CNTNAP2: variants seen among roughly 807,000 people sequenced by gnomAD.
The protein encoded by CNTNAP2 is contactin associated protein 2, also known as contactin-associated protein-like 2.
A neutral mutation model predicts 155.2 loss-of-function variants in CNTNAP2; 98 were observed. The ratio of observed to expected loss-of-function variants is 0.63; its 90% CI spans 0.54 to 0.75. The LOEUF (loss-of-function observed/expected upper bound fraction) is 0.75, where lower values mean the gene tolerates loss of function less well. Ranked by LOEUF, CNTNAP2 falls within the 30% of genes least tolerant of loss-of-function variation. CNTNAP2 has a pLI of 0.00. For missense variants in CNTNAP2, 1,727 were observed against 1,688.1 expected (o/e 1.02, Z -0.40); for synonymous variants, 651 against 631.2 (o/e 1.03, Z -0.47).
intron 1 of CNTNAP2, among the ~76,000 whole-genome samples, chr7:146,636,281 G>GT (rs1168447940): frequency 6.6e-6 from 1 of 152,022 alleles, no homozygotes; most frequent in Non-Finnish European, 1.5e-5. Context: ...TTATGGAACT[G>GT]TATGCTAATC....
intron 4 of CNTNAP2, among the ~76,000 whole-genome samples, chr7:147,078,227 C>G (rs1465324573): frequency 6.6e-5 from 10 of 152,160 alleles, no homozygotes; most frequent in Non-Finnish European, 1.3e-4. Context: ...CCTGACAATG[C>G]CAACTTTATC....
At chr7:147,844,865 G>A (rs1218700598) in intron 13 of CNTNAP2, among the ~76,000 whole-genome samples, 286 of 103,076 alleles carry the variant, frequency 2.8e-3, no homozygotes, top group African/African-American at 4.4e-3. Flanking sequence ...TGTGGTTTTT[G>A]TCTTTGGCTC....
intron 9 of CNTNAP2, among the ~76,000 whole-genome samples, chr7:147,320,046 A>G (rs896095829): frequency 6.6e-6 from 1 of 152,240 alleles, no homozygotes; most frequent in Admixed American, 6.5e-5. Context: ...AACATTTACA[A>G]AAACAAGTGG....
At chr7:147,345,406 G>A (rs1223083816) in intron 9 of CNTNAP2, among the ~76,000 whole-genome samples, 1 of 152,066 alleles carries the variant, frequency 6.6e-6, no homozygotes, top group Non-Finnish European at 1.5e-5. Flanking sequence ...TCACACATAG[G>A]TAATTATAAA....
At chr7:146,310,996 G>A (rs550682907) in intron 1 of CNTNAP2, among the ~76,000 whole-genome samples, 5 of 152,198 alleles carry the variant, frequency 3.3e-5, no homozygotes, top group African/African-American at 1.2e-4. Flanking sequence ...GTGTATCTAT[G>A]TTTTAGTTCT....
At chr7:147,038,168 A>G (rs1799193822) in intron 3 of CNTNAP2, among the ~76,000 whole-genome samples, 1 of 152,152 alleles carries the variant, frequency 6.6e-6, no homozygotes, top group Non-Finnish European at 1.5e-5. Flanking sequence ...AAAATAAAAT[A>G]TAACAATAAA....
At chr7:148,155,464 C>T (rs560795680) in intron 17 of CNTNAP2, among the ~76,000 whole-genome samples, 1 of 152,108 alleles carries the variant, frequency 6.6e-6, no homozygotes, top group South Asian at 2.1e-4. Flanking sequence ...TTTTTACAAG[C>T]TGGGATAGGA....
intron 12 of CNTNAP2, among the ~76,000 whole-genome samples, chr7:147,603,152 T>G (rs549925904): frequency 6.6e-6 from 1 of 151,638 alleles, no homozygotes; most frequent in South Asian, 2.1e-4. Context: ...CACCTGTTGT[T>G]TCCTGACTTT....
chr7:146,352,048 C>T (rs998746612), intron 1 of CNTNAP2, among the ~76,000 whole-genome samples: 1 of 152,164 alleles, frequency 6.6e-6, no homozygotes, highest in African/African-American at 2.4e-5. Flanking sequence ...TTTTCAAGGT[C>T]ATGACACTAC....
chr7:146,343,076 G>A (rs1479474335), intron 1 of CNTNAP2, among the ~76,000 whole-genome samples: 2 of 151,764 alleles, frequency 1.3e-5, no homozygotes, highest in African/African-American at 4.8e-5. Flanking sequence ...TGGTAAAGAA[G>A]GTTGTTTTTT....
intron 15 of CNTNAP2, among the ~76,000 whole-genome samples, chr7:148,024,704 A>G (rs562234163): frequency 1.4e-4 from 21 of 152,376 alleles, no homozygotes; most frequent in Non-Finnish European, 2.8e-4. Flanking sequence ...ATAGCATGTT[A>G]CAAGTTTTTA....
intron 13 of CNTNAP2, among the ~76,000 whole-genome samples, chr7:147,765,681 T>C (rs552291481): frequency 7.2e-5 from 11 of 152,016 alleles, no homozygotes; most frequent in African/African-American, 2.7e-4. Context: ...GCGTATAAAG[T>C]AAAAAAAACA....
intron 15 of CNTNAP2, among the ~76,000 whole-genome samples, chr7:147,995,584 G>A (rs1422040378): frequency 5.3e-5 from 8 of 150,246 alleles, no homozygotes; most frequent in Non-Finnish European, 7.4e-5. Context: ...CTGCAGTGCA[G>A]TGGTGCAACC....
chr7:146,205,081 G>A (rs953347025), intron 1 of CNTNAP2, among the ~76,000 whole-genome samples: 5 of 152,108 alleles, frequency 3.3e-5, no homozygotes, highest in Non-Finnish European at 7.4e-5. Context: ...GTAAGCAAGT[G>A]TTTTAATTAT....
intron 13 of CNTNAP2, among the ~76,000 whole-genome samples, chr7:147,724,862 A>C (rs757914132): frequency 2.6e-5 from 4 of 151,920 alleles, no homozygotes; most frequent in Non-Finnish European, 4.4e-5. Flanking sequence ...GAGTTGTTGA[A>C]AAGGTTAAAT....
At position 147,341,769 on chromosome 7, in the gene CNTNAP2, TACACAC is replaced by T. The variant is rs35486619; in HGVS notation, c.1498+41507_1498+41512del. Among the ~76,000 whole-genome samples the T allele has an allele frequency of 5.7e-3, 844 of 147,368 alleles. 6 individuals carry two copies. Among genetic ancestry groups the T allele is most frequent in the African/African-American group, 0.013 (523 of 39,856 alleles). On this transcript the variant is annotated intron_variant, in intron 9 of 23. Transcript: ENST00000361727. ...AGGCTATCACACACACACATACACA[TACACAC>T]ACACACACACACACACACACACACA...
At chr7:147,817,361 G>A (rs953569274) in intron 13 of CNTNAP2, among the ~76,000 whole-genome samples, 2 of 152,184 alleles carry the variant, frequency 1.3e-5, no homozygotes, top group Non-Finnish European at 2.9e-5. Context: ...ATATGTAGGT[G>A]AGATAATATC....
intron 10 of CNTNAP2, among the ~76,000 whole-genome samples, chr7:147,430,216 A>G (rs139076644): frequency 1.2e-4 from 18 of 152,344 alleles, no homozygotes; most frequent in African/African-American, 4.1e-4. Flanking sequence ...TTTTCTAAGT[A>G]AACATTTTGA....
intron 4 of CNTNAP2, among the ~76,000 whole-genome samples, chr7:147,092,667 A>G (rs1329570894): frequency 6.6e-6 from 1 of 152,216 alleles, no homozygotes; most frequent in Non-Finnish European, 1.5e-5. Flanking sequence ...TAGCTTTAAA[A>G]AATTCTGAGC....
Sources: gnomAD v4.1 joint callset for allele counts (sites outside exome capture counted in the v4.1 genomes callset) on GRCh38, gnomAD v4.1.1 for gene constraint, MANE v1.5 for transcripts, NCBI Gene and HGNC (gene_info 2026-07-23, HGNC 2026-07-21) for gene names.